Variants in ARL6IP5 observed in about 807,000 individuals in gnomAD.
ARL6IP5 encodes ARF like GTPase 6 interacting protein 5.
In ARL6IP5, 6 loss-of-function variants were observed where a neutral mutation model predicts 13.0. That is an observed-to-expected ratio of 0.46 (90% CI 0.25 to 0.91). ARL6IP5 has a LOEUF of 0.91. Among genes scored for constraint, ARL6IP5 ranks in the 40% least tolerant of loss-of-function variants. The pLI is 0.17. For missense variants in ARL6IP5, 208 were observed against 248.8 expected, an observed-to-expected ratio of 0.84 and a Z score of 1.10; for synonymous variants, 91 against 91.9, an observed-to-expected ratio of 0.99 and a Z score of 0.06.
rs774645753 is a variant in ARL6IP5, at chr3:69,104,663, A to G, written c.*27A>G. The G allele has an allele frequency of 4.0e-5, 65 of 1,606,218 alleles. No individual in the cohort carries two copies. Among genetic ancestry groups the G allele is most frequent in the Non-Finnish European group, 5.5e-5 (65 of 1,175,346 alleles). Reference sequence around the variant, plus strand: ...CATAACTTACCTGAGCTAGGGTTGCAGCAGAAATTGAGTTGCAGCTTGCCC... The same window carrying G: ...CATAACTTACCTGAGCTAGGGTTGCGGCAGAAATTGAGTTGCAGCTTGCCC... On this transcript the variant is annotated 3_prime_UTR_variant, in exon 3 of 3. Coordinates refer to ENST00000273258, the MANE Select transcript of ARL6IP5 (RefSeq NM_006407.4).
chr3:69,089,557 C>T (rs532192656), intron 1 of ARL6IP5, among the ~76,000 whole-genome samples: 1 of 150,244 alleles, frequency 6.7e-6, no homozygotes, highest in East Asian at 2.0e-4. Flanking sequence ...GTAATCCCAA[C>T]ACTTCGGGAG....
chr3:69,104,318 T>C (rs1469336931), intron 2 of ARL6IP5, 146 bp from the exon 3 acceptor site: 2 of 788,116 alleles, frequency 2.5e-6, no homozygotes, highest in South Asian at 2.0e-5. Context: ...CAAGGAGCCA[T>C]TTGAAAGCTT....
chr3:69,099,823 A>T (rs900579645), intron 1 of ARL6IP5: 3 of 152,706 alleles, frequency 2.0e-5, no homozygotes, highest in Admixed American at 2.0e-4. Context: ...AAAGTTAAGT[A>T]ACTCATTGTA....
Position 69,085,054 on chromosome 3 carries a change from G to A in ARL6IP5, c.7G>A (p.Val3Ile), listed in dbSNP as rs2092243147. MDVNIAPLRAWDD... is the reference protein window; with the variant it reads MDINIAPLRAWDD... Reference sequence around the variant, plus strand: ...AGAACGCAAAGCTGAGAACATGGACGTTAATATCGCCCCACTCCGCGCCTG... The same window carrying A: ...AGAACGCAAAGCTGAGAACATGGACATTAATATCGCCCCACTCCGCGCCTG... The change falls in exon 1 of 3, where the codon GTT (valine) becomes ATT (isoleucine). Residue 3 changes from valine (V) to isoleucine (I), a missense_variant. Val to Ile is a conservative substitution (Grantham distance 29). Transcript: ENST00000273258. 6.2e-7 allele frequency: 1 copy of A among 1,613,646 alleles called. No homozygotes were observed. The highest frequency in any genetic ancestry group is 1.6e-4 in the Middle Eastern group (1 of 6,062).
intron 1 of ARL6IP5, among the ~76,000 whole-genome samples, chr3:69,101,428 T>G (rs2092304957): frequency 6.6e-6 from 1 of 150,394 alleles, no homozygotes; most frequent in African/African-American, 2.5e-5. Flanking sequence ...GTTCAAGTGA[T>G]CCTCCCACCT....
intron 2 of ARL6IP5, among the ~76,000 whole-genome samples, chr3:69,102,687 A>G (rs1196570243): frequency 6.6e-6 from 1 of 152,222 alleles, no homozygotes; most frequent in Non-Finnish European, 1.5e-5. Context: ...TCTATTCTCA[A>G]TTTTTAAGTG....
chr3:69,097,712 G>C (rs1035865616), intron 1 of ARL6IP5, among the ~76,000 whole-genome samples: 4 of 152,170 alleles, frequency 2.6e-5, no homozygotes, highest in Non-Finnish European at 4.4e-5. Flanking sequence ...GTGCAGAGAG[G>C]CCAAGTAGAC....
chr3:69,104,427 G>A (rs748120489), intron 2 of ARL6IP5, 37 bp from the exon 3 acceptor site: 1 of 1,580,420 alleles, frequency 6.3e-7, no homozygotes, highest in South Asian at 1.1e-5. Context: ...AAAGAGAATT[G>A]TTGCTTTGGT....
Position 69,104,771 on chromosome 3 carries a change from A to AG in ARL6IP5, c.*137dup. ...ATTATCTATGGCAGCATGCATGTAT[A>AG]GGCCGAACTATTATCAGCTCTGATG... On this transcript the variant is annotated 3_prime_UTR_variant, in exon 3 of 3. Coordinates refer to ENST00000273258, the MANE Select transcript of ARL6IP5 (RefSeq NM_006407.4). 1 of 969,408 alleles carries AG rather than the reference A, an allele frequency of 1.0e-6. No individual in the cohort carries two copies. The highest frequency in any genetic ancestry group is 1.6e-6 in the Non-Finnish European group (1 of 627,322). The allele number at this position is 969,408 out of a possible 1,614,324, so 60.1% of individuals were successfully genotyped here. A position where few individuals can be genotyped will look rare whatever the true frequency, so the allele number is the denominator to read the frequency against.
In ARL6IP5 at chr3:69,085,002, G is replaced by A. The variant is rs1165151767; in HGVS notation, c.-46G>A. 9 of 1,591,534 alleles carry A rather than the reference G, an allele frequency of 5.7e-6. No individual in the cohort carries two copies. The highest frequency in any genetic ancestry group is 4.0e-5 in the African/African-American group (3 of 74,540). The stretch of plus-strand genomic sequence containing the variant: ...TCAGCTCAGCTGATCGGTTGCCGCC[G>A]CCGCCGCCGCCAGATTCTGGAGGCG... On this transcript the variant is annotated 5_prime_UTR_variant, in exon 1 of 3. Coordinates refer to ENST00000273258, the MANE Select transcript of ARL6IP5 (RefSeq NM_006407.4).
intron 2 of ARL6IP5, chr3:69,102,357 G>A (rs377220724): frequency 8.1e-6 from 3 of 368,270 alleles, no homozygotes; most frequent in African/African-American, 6.2e-5. Flanking sequence ...CCACGCTGTG[G>A]TGTTATCTCG....
Position 69,101,863 on chromosome 3 carries a change from C to A in ARL6IP5, c.201C>A (p.Ile67=), listed in dbSNP as rs112426564. The A allele has an allele frequency of 4.8e-4, 770 of 1,613,744 alleles. 1 individual carries two copies. In the African/African-American group the frequency reaches 8.8e-3, roughly 18 times the overall value. ...IVGFLSPFNM[I]LGGIVVVLVF... ...GGTTTCTGAGTCCCTTCAACATGATCCTGGGAGGAATCGTGGTGGTGCTGG... is the reference window on the plus strand; with the variant it reads ...GGTTTCTGAGTCCCTTCAACATGATACTGGGAGGAATCGTGGTGGTGCTGG... Residue 67 remains isoleucine (I), a synonymous_variant, in exon 2 of 3, where the codon ATC becomes ATA. Transcript: ENST00000273258.
At chr3:69,102,296 T>C (rs1417972915) in intron 2 of ARL6IP5, 6 of 542,544 alleles carry the variant, frequency 1.1e-5, no homozygotes, top group Non-Finnish European at 2.0e-5. Context: ...GGGCATCTGC[T>C]ATGTGTCATA....
intron 1 of ARL6IP5, among the ~76,000 whole-genome samples, chr3:69,096,696 C>T (rs948387427): frequency 2.7e-5 from 4 of 150,768 alleles, no homozygotes; most frequent in Admixed American, 1.3e-4. Flanking sequence ...CTCCGCCTCC[C>T]GGGTTCAAGC....
intron 1 of ARL6IP5, among the ~76,000 whole-genome samples, chr3:69,099,427 G>A (rs1395163296): frequency 1.3e-5 from 2 of 152,056 alleles, no homozygotes; most frequent in Admixed American, 6.6e-5. Flanking sequence ...TTAGCTTTGT[G>A]CATCTTAATA....
chr3:69,088,537 A>C (rs1192539229), intron 1 of ARL6IP5, among the ~76,000 whole-genome samples: 1 of 152,192 alleles, frequency 6.6e-6, no homozygotes, highest in East Asian at 1.9e-4. Flanking sequence ...AACATAGCAA[A>C]TACTATCTAG....
rs576640514 is a variant in ARL6IP5, at chr3:69,106,008, G to C, written c.*1372G>C. 1 of 152,160 alleles carries C rather than the reference G, an allele frequency of 6.6e-6. No homozygotes were observed. The highest frequency in any genetic ancestry group is 2.4e-5 in the African/African-American group (1 of 41,434). 9.4% of individuals were successfully genotyped at this position (152,160 alleles called of 1,614,324 possible). On this transcript the variant is annotated 3_prime_UTR_variant, in exon 3 of 3. Coordinates refer to ENST00000273258, the MANE Select transcript of ARL6IP5 (RefSeq NM_006407.4). ...ACAGTGATATCACCATGACTTCACA[G>C]ACATGGTCTAGAATCTGTACCCTTA...
intron 1 of ARL6IP5, among the ~76,000 whole-genome samples, chr3:69,096,080 C>T (rs1012838712): frequency 6.6e-6 from 1 of 152,022 alleles, no homozygotes; most frequent in Non-Finnish European, 1.5e-5. Flanking sequence ...CAGGTAAGTG[C>T]CAGGGCATTG....
Position 69,105,916 on chromosome 3 carries a change from T to C in ARL6IP5, c.*1280T>C, listed in dbSNP as rs1192243749. ...CTGTATGTCCTAGAATAAGAAGCAA[T>C]GATGTGCTGCTTCTGATTTTTCTTG... is the stretch of plus-strand genomic sequence containing the variant. On this transcript the variant is annotated 3_prime_UTR_variant, in exon 3 of 3. Transcript: ENST00000273258. The C allele has an allele frequency of 6.6e-6, 1 of 152,170 alleles. No individual in the cohort carries two copies. Among genetic ancestry groups the C allele is most frequent in the Non-Finnish European group, 1.5e-5 (1 of 68,026 alleles). The allele number at this position is 152,170 out of a possible 1,614,324, so 9.4% of individuals were successfully genotyped here.
Sources: gnomAD v4.1 joint callset for allele counts (sites outside exome capture counted in the v4.1 genomes callset) on GRCh38, gnomAD v4.1.1 for gene constraint, MANE v1.5 for transcripts, NCBI Gene and HGNC (gene_info 2026-07-23, HGNC 2026-07-21) for gene names.